The following POP1 variants were observed in gnomAD, a reference collection of about 807,000 sequenced individuals.
POP1 encodes the protein POP1 ribonuclease P/MRP subunit.
Under a neutral mutation model 102.2 loss-of-function variants are expected in POP1, and 75 were observed. The observed-to-expected ratio is 0.73, with a 90% CI of 0.61 to 0.89. POP1 has a LOEUF of 0.89. Ranked by LOEUF, POP1 falls within the 40% of genes least tolerant of loss-of-function variation. POP1 has a pLI of 0.00. For missense variants in POP1, 1,116 were observed against 1,267.4 expected, an observed-to-expected ratio of 0.88 and a Z score of 1.81; for synonymous variants, 436 against 464.1, an observed-to-expected ratio of 0.94 and a Z score of 0.78.
rs542277642 is a variant in POP1 at position 98,127,042 on chromosome 8, G to C, written c.143-553G>C. On this transcript the variant is annotated intron_variant, in intron 2 of 15. Coordinates refer to ENST00000401707, the MANE Select transcript of POP1 (RefSeq NM_001145860.2). ...CAAGATGAAGGAGCGGGCAGGTTTG[G>C]TGACTGGTGTGGGCCTGCCTTCTGG... Among the ~76,000 whole-genome samples the C allele has an allele frequency of 1.4e-4, 22 of 152,252 alleles. No homozygotes were observed. The East Asian group carries it at 4.0e-3, about 28-fold the overall frequency.
rs1198567680 is a variant in POP1, at chr8:98,140,817, CA to C, written c.1524del (p.Val509LeufsTer6). 6.2e-7 allele frequency: 1 copy of C among 1,613,666 alleles called. No homozygotes were observed. The highest frequency in any genetic ancestry group is 1.3e-5 in the African/African-American group (1 of 74,920). On this transcript the variant is annotated frameshift_variant, in exon 11 of 16. Coordinates refer to ENST00000401707, the MANE Select transcript of POP1 (RefSeq NM_001145860.2). LOFTEE classifies it high-confidence loss of function. ...CCGGCAGGTACTATTCTGGGACTGA[CA>C]GTTGGGGATCCTCGAATAAATTTGC... ...EIPAGTILGL[T>X]VGDPRINLPQ...
At position 98,148,836 on chromosome 8, in the gene POP1, G is replaced by A; in HGVS notation, c.1732G>A (p.Glu578Lys). ...SDQDLNRMRS[E>K]LLVPGSQLIL... ...TTAGGATTTAAACCGGATGAGGAGT[G>A]AATTGCTGGTGCCTGGGTCACAGCT... Residue 578 changes from glutamate to lysine, a missense_variant, in exon 13 of 16, where the codon GAA becomes AAA. Coordinates refer to ENST00000401707, the MANE Select transcript of POP1 (RefSeq NM_001145860.2). The A allele has an allele frequency of 6.2e-7, 1 of 1,613,494 alleles. No homozygotes were observed. Among genetic ancestry groups the A allele is most frequent in the Non-Finnish European group, 8.5e-7 (1 of 1,179,718 alleles).
intron 7 of POP1, among the ~76,000 whole-genome samples, chr8:98,136,104 G>A (rs1036660132): frequency 2.7e-5 from 4 of 150,290 alleles, no homozygotes; most frequent in Non-Finnish European, 4.4e-5. Context: ...TTTTTGAGAC[G>A]GAGTCTTGCT....
At chr8:98,118,816 A>G (rs1197047609) in intron 1 of POP1, among the ~76,000 whole-genome samples, 1 of 151,652 alleles carries the variant, frequency 6.6e-6, no homozygotes, top group African/African-American at 2.4e-5. Context: ...TCTAATTGTT[A>G]TGTGTTTCAA....
chr8:98,122,500 G>A (rs987013815), intron 1 of POP1, among the ~76,000 whole-genome samples: 1 of 152,162 alleles, frequency 6.6e-6, no homozygotes, highest in Admixed American at 6.5e-5. Context: ...CAATGAAAGA[G>A]TTAATCACTG....
chr8:98,136,944 C>T lies in POP1; in HGVS notation c.1352C>T (p.Ser451Phe). 1 of 1,601,322 alleles carries T rather than the reference C, an allele frequency of 6.2e-7. No homozygotes were observed. Among genetic ancestry groups the T allele is most frequent in the Non-Finnish European group, 8.6e-7 (1 of 1,168,332 alleles). The change falls in exon 9 of 16, where the codon TCT becomes TTT. Residue 451 changes from serine (S) to phenylalanine (F), a missense_variant. Coordinates refer to ENST00000401707, the MANE Select transcript of POP1 (RefSeq NM_001145860.2). Reference protein sequence around the residue: ...SILTEAIKAASVHTVGEDTEE... With the variant: ...SILTEAIKAAFVHTVGEDTEE... Reference sequence around the variant, plus strand: ...CTAACTGAAGCAATAAAAGCTGCTTCTGTCCACACTGTAAGAGTAAAAGTG... The same window carrying T: ...CTAACTGAAGCAATAAAAGCTGCTTTTGTCCACACTGTAAGAGTAAAAGTG...
intron 14 of POP1, among the ~76,000 whole-genome samples, chr8:98,155,612 C>T (rs1434180997): frequency 6.6e-6 from 1 of 150,442 alleles, no homozygotes; most frequent in Non-Finnish European, 1.5e-5. Context: ...GACGGAGTCT[C>T]ACTCTGTTGC....
intron 5 of POP1, among the ~76,000 whole-genome samples, chr8:98,130,534 A>C (rs1033351507): frequency 3.1e-5 from 2 of 65,304 alleles, no homozygotes; most frequent in African/African-American, 1.1e-4. Flanking sequence ...CTGAGCTCTA[A>C]GGGATAAGAT....
Position 98,133,059 on chromosome 8 carries a change from A to G in POP1, c.736-890A>G, listed in dbSNP as rs1816428026. 2.9e-5 allele frequency among the ~76,000 whole-genome samples: 4 copies of G among 139,928 alleles called. No homozygotes were observed. In the South Asian group the frequency reaches 9.3e-4, roughly 32 times the overall value. 91.8% of individuals were successfully genotyped at this position (139,928 alleles called of 152,430 possible). ...GAGACTCTGTCTCTGCAAAAAAAAA[A>G]AAAAAAAAAAAGCTGGGTGTGGTGG... On this transcript the variant is annotated intron_variant, in intron 5 of 15. Coordinates refer to ENST00000401707, the MANE Select transcript of POP1 (RefSeq NM_001145860.2).
At position 98,134,579 on chromosome 8, in the gene POP1, A is replaced by T; in HGVS notation, c.931A>T (p.Ile311Phe). ...AGAAATGCTTGGGCCTGTTACGTTT[A>T]TCTGGAAGTCCCAGAGGACCCCGGG... is the stretch of plus-strand genomic sequence containing the variant. ...PREMLGPVTF[I>F]WKSQRTPGDP... The change falls in exon 7 of 16, where the codon ATC becomes TTC. Residue 311 changes from isoleucine to phenylalanine, a missense_variant. By Grantham distance (21) the Ile-to-Phe change is conservative (BLOSUM62 0). Coordinates refer to ENST00000401707, the MANE Select transcript of POP1 (RefSeq NM_001145860.2). The T allele has an allele frequency of 6.2e-7, 1 of 1,614,164 alleles. No homozygotes were observed. Among genetic ancestry groups the T allele is most frequent in the African/African-American group, 1.3e-5 (1 of 75,052 alleles).
At chr8:98,139,171 C>T (rs7015881) in intron 9 of POP1, among the ~76,000 whole-genome samples, 20,117 of 152,124 alleles carry the variant, frequency 0.13, 1,444 homozygotes, top group Middle Eastern at 0.26. Flanking sequence ...CTTTAGGATC[C>T]GTAAGTGCAC....
At chr8:98,152,141 A>G (rs1231871970) in intron 14 of POP1, among the ~76,000 whole-genome samples, 4 of 152,144 alleles carry the variant, frequency 2.6e-5, no homozygotes, top group African/African-American at 9.7e-5. Flanking sequence ...ATCACATGTT[A>G]TACATCCTTG....
At position 98,146,561 on chromosome 8, in the gene POP1, C is replaced by T. The variant is rs1268460250; in HGVS notation, c.1595-7C>T. ...GTGGTTTGAAGGCTATTTCTTTTCC[C>T]TCTTAGATAATGAGAAAGTTAGACA... On this transcript the variant is annotated splice_region_variant and splice_polypyrimidine_tract_variant and intron_variant, in intron 11 of 15. Transcript: ENST00000401707. 1 of 1,604,216 alleles carries T rather than the reference C, an allele frequency of 6.2e-7. No individual in the cohort carries two copies. Among genetic ancestry groups the T allele is most frequent in the East Asian group, 2.2e-5 (1 of 44,800 alleles).
At chr8:98,144,344 T>C (rs190382823) in intron 11 of POP1, among the ~76,000 whole-genome samples, 258 of 152,174 alleles carry the variant, frequency 1.7e-3, no homozygotes, top group African/African-American at 6.1e-3. Context: ...GGCGCAATCA[T>C]GGCTCACTGC....
chr8:98,128,449 T>C lies in POP1; in HGVS notation c.395T>C (p.Phe132Ser). The C allele has an allele frequency of 6.2e-7, 1 of 1,614,104 alleles. No individual in the cohort carries two copies. Among genetic ancestry groups the C allele is most frequent in the Non-Finnish European group, 8.5e-7 (1 of 1,179,976 alleles). ...VTQKSSNSLV[F>S]QTLPRHMRRR... ...CAGAAGTCTTCGAATTCACTGGTTTTTCAGACTCTGCCACGGCACATGCGA... is the reference window on the plus strand; with the variant it reads ...CAGAAGTCTTCGAATTCACTGGTTTCTCAGACTCTGCCACGGCACATGCGA... The change falls in exon 4 of 16, where the codon TTT (phenylalanine) becomes TCT (serine). Residue 132 changes from phenylalanine to serine, a missense_variant. Coordinates refer to ENST00000401707, the MANE Select transcript of POP1 (RefSeq NM_001145860.2).
At chr8:98,129,629 C>G (rs1816317549) in intron 4 of POP1, among the ~76,000 whole-genome samples, 1 of 152,098 alleles carries the variant, frequency 6.6e-6, no homozygotes, top group Non-Finnish European at 1.5e-5. Flanking sequence ...AAGAAGCTAG[C>G]ATTTGATTTC....
chr8:98,128,493 A>G lies in POP1; in HGVS notation c.439A>G (p.Asn147Asp), dbSNP rs368768755. 1 of 1,614,024 alleles carries G rather than the reference A, an allele frequency of 6.2e-7. No individual in the cohort carries two copies. The highest frequency in any genetic ancestry group is 2.2e-5 in the East Asian group (1 of 44,882). The part of the protein sequence containing the change: ...RHMRRRAMSH[N>D]VKRLPRRLQE... ...CATGCGACGAAGAGCCATGAGCCAC[A>G]ACGTCAAACGCCTTCCCAGACGGTT... is the stretch of plus-strand genomic sequence containing the variant. The change falls in exon 4 of 16, where the codon AAC becomes GAC. Residue 147 changes from asparagine (N) to aspartate (D), a missense_variant. By Grantham distance (23) the Asn-to-Asp change is conservative. Coordinates refer to ENST00000401707, the MANE Select transcript of POP1 (RefSeq NM_001145860.2).
At position 98,123,424 on chromosome 8, in the gene POP1, CAG is replaced by C. The variant is rs1816093725; in HGVS notation, c.90_91del (p.Gly31CysfsTer8). On this transcript the variant is annotated frameshift_variant, in exon 2 of 16. Transcript: ENST00000401707. LOFTEE classifies it high-confidence loss of function. The part of the protein sequence containing the change: ...VTLSSGFVAD[R>X]GVKHHSGGEK... ...CTCTGTCCTCTGGCTTTGTGGCTGA[CAG>C]AGGTGTAAAGCACCACAGTGGAGGT... 1.9e-6 allele frequency: 3 copies of C among 1,614,092 alleles called. No homozygotes were observed. Among genetic ancestry groups the C allele is most frequent in the Non-Finnish European group, 2.5e-6 (3 of 1,179,986 alleles).
intron 5 of POP1, 38 bp from the exon 6 acceptor site, chr8:98,133,911 A>T: frequency 6.6e-7 from 1 of 1,518,292 alleles, no homozygotes; most frequent in Non-Finnish European, 9.1e-7. Flanking sequence ...GCCTGTGTAA[A>T]TTCCTAAGTA....
Sources: allele counts gnomAD v4.1 joint callset (sites outside exome capture counted in the v4.1 genomes callset), GRCh38; gene constraint gnomAD v4.1.1; transcripts MANE v1.5; gene names NCBI Gene and HGNC (gene_info 2026-07-23, HGNC 2026-07-21).